Variants in GLG1 observed in about 807,000 individuals in gnomAD.
The protein encoded by GLG1 is golgi glycoprotein 1, also known as Golgi apparatus protein 1.
A neutral mutation model predicts 160.5 loss-of-function variants in GLG1; 38 were observed. The ratio of observed to expected loss-of-function variants is 0.24; its 90% CI spans 0.18 to 0.31. GLG1 has a LOEUF of 0.31. GLG1 is among the 10% of genes least tolerant of loss of function. The pLI, the probability that GLG1 is intolerant of heterozygous loss-of-function variation, is 1.00. For synonymous variants in GLG1, 644 were observed against 543.4 expected, an observed-to-expected ratio of 1.19 and a Z score of -2.57; for missense variants, 1,373 against 1,505.2, an observed-to-expected ratio of 0.91 and a Z score of 1.45.
intron 1 of GLG1, among the ~76,000 whole-genome samples, chr16:74,553,207 C>G (rs1369763627): frequency 6.9e-6 from 1 of 145,284 alleles, no homozygotes; most frequent in African/African-American, 2.6e-5. Context: ...GCAACAAGAG[C>G]AAACTCTGTC....
chr16:74,500,590 G>A (rs990754344), intron 4 of GLG1, among the ~76,000 whole-genome samples: 2 of 151,682 alleles, frequency 1.3e-5, no homozygotes, highest in Admixed American at 6.6e-5. Flanking sequence ...GCTGTCTTCT[G>A]TAATCTACCT....
chr16:74,471,295 G>C lies in GLG1; in HGVS notation c.2116-9C>G. The C allele has an allele frequency of 7.0e-7, 1 of 1,424,160 alleles. No homozygotes were observed. The highest frequency in any genetic ancestry group is 9.9e-7 in the Non-Finnish European group (1 of 1,006,858). The allele number at this position is 1,424,160 out of a possible 1,614,324, so 88.2% of individuals were successfully genotyped here. Reference sequence around the variant, plus strand: ...TGGTTATCTGCCACATCCTGGGGAAGACAGCATGCATTTACACTTCATTGG... The same window carrying C: ...TGGTTATCTGCCACATCCTGGGGAACACAGCATGCATTTACACTTCATTGG... On this transcript the variant is annotated splice_polypyrimidine_tract_variant and intron_variant, in intron 14 of 25. Transcript: ENST00000422840.
At chr16:74,466,495 C>G (rs1222724229) in intron 18 of GLG1, among the ~76,000 whole-genome samples, 1 of 152,176 alleles carries the variant, frequency 6.6e-6, no homozygotes, top group Non-Finnish European at 1.5e-5. Context: ...AGCCATGAGA[C>G]TTCCGGGAAA....
chr16:74,530,904 G>A lies in GLG1; in HGVS notation c.471+1217C>T, dbSNP rs1352449652. 2.0e-5 allele frequency among the ~76,000 whole-genome samples: 3 copies of A among 152,012 alleles called. No homozygotes were observed. The South Asian group carries it at 6.2e-4, about 32-fold the overall frequency. On this transcript the variant is annotated intron_variant, in intron 2 of 25. Transcript: ENST00000422840. ...AGAATAAACTTTTTACTGTTTATTG[G>A]ACACCTTTTTCTTTTCCTGTGAACA...
intron 1 of GLG1, among the ~76,000 whole-genome samples, chr16:74,569,968 A>T (rs1462842016): frequency 6.6e-6 from 1 of 151,314 alleles, no homozygotes; most frequent in Non-Finnish European, 1.5e-5. Context: ...GGATCGCTTG[A>T]GCCCAGGAGT....
In GLG1 at chr16:74,494,810, C is replaced by A; in HGVS notation, c.1000G>T (p.Val334Leu). ...CENTQAGEGR[V>L]YKCLFNHKFE... ...TTATGGTTAAAGAGGCACTTATACA[C>A]TCTGCCCTCACCAGCTTGTGTCTAT... is the stretch of plus-strand genomic sequence containing the variant. The change falls in exon 6 of 26, where the codon GTG becomes TTG. Residue 334 changes from valine to leucine, a missense_variant. Physicochemically the swap from Val to Leu is conservative, Grantham distance 32. Coordinates refer to ENST00000422840, the MANE Select transcript of GLG1 (RefSeq NM_001145667.2). 1 of 1,500,478 alleles carries A rather than the reference C, an allele frequency of 6.7e-7. No homozygotes were observed. The highest frequency in any genetic ancestry group is 9.3e-7 in the Non-Finnish European group (1 of 1,076,738). The allele number at this position is 1,500,478 out of a possible 1,614,324, so 92.9% of individuals were successfully genotyped here.
intron 2 of GLG1, among the ~76,000 whole-genome samples, chr16:74,515,933 CAACA>C (rs2016964208): frequency 7.7e-6 from 1 of 129,932 alleles, no homozygotes; most frequent in Non-Finnish European, 1.7e-5. Context: ...AAACCTAAAC[CAACA>C]AAGATCAAAA....
chr16:74,492,775 C>T (rs999944001), intron 7 of GLG1, among the ~76,000 whole-genome samples, 182 bp downstream of exon 7: 7 of 149,816 alleles, frequency 4.7e-5, no homozygotes, highest in East Asian at 2.0e-4. Flanking sequence ...GCCGAGATTG[C>T]GCCACTGCCC....
At chr16:74,527,403 C>A (rs1034940514) in intron 2 of GLG1, among the ~76,000 whole-genome samples, 2 of 151,846 alleles carry the variant, frequency 1.3e-5, no homozygotes, top group African/African-American at 4.8e-5. Context: ...GTGTGCACCA[C>A]CACACCCAAC....
intron 1 of GLG1, among the ~76,000 whole-genome samples, chr16:74,549,121 T>C (rs1391414746): frequency 6.6e-6 from 1 of 152,238 alleles, no homozygotes; most frequent in African/African-American, 2.4e-5. Flanking sequence ...CATTTCTTGA[T>C]GGATCAGGCA....
intron 1 of GLG1, among the ~76,000 whole-genome samples, chr16:74,585,536 CTG>C (rs144398398): frequency 0.035 from 5,303 of 151,960 alleles, 306 homozygotes; most frequent in African/African-American, 0.12. Context: ...GAAACCTCGT[CTG>C]TACTAAAACT....
rs1187807666 is a variant in GLG1 at position 74,496,557 on chromosome 16, A to T, written c.862T>A (p.Ser288Thr). The change falls in exon 5 of 26, where the codon TCT (serine) becomes ACT (threonine). Residue 288 changes from serine (S) to threonine (T), a missense_variant. Ser to Thr is a moderately conservative substitution (Grantham distance 58, BLOSUM62 1). This residue lies in a region of GLG1 where 174 missense variants were observed against 229.9 expected (regional missense o/e 0.76). Transcript: ENST00000422840. ...AEEREPKIQVSELCKKAILRV... is the reference protein window; with the variant it reads ...AEEREPKIQVTELCKKAILRV... ...AGAATGGCTTTCTTGCAGAGTTCAG[A>T]AACTTGAATCTTGGGTTCTCTTTCT... 4 of 1,613,552 alleles carry T rather than the reference A, an allele frequency of 2.5e-6. No individual in the cohort carries two copies. The African/African-American group carries it at 5.3e-5, about 22-fold the overall frequency.
intron 6 of GLG1, 95 bp from the exon 7 acceptor site, chr16:74,493,235 C>A: frequency 2.7e-6 from 2 of 737,622 alleles, no homozygotes; most frequent in Non-Finnish European, 4.5e-6. Flanking sequence ...CAGCCAAGTA[C>A]ATGTCAACAA....
chr16:74,498,469 A>ATATAT (rs2016291278), intron 4 of GLG1, among the ~76,000 whole-genome samples: 1 of 35,958 alleles, frequency 2.8e-5, no homozygotes, highest in African/African-American at 8.6e-5. Context: ...TATATATATT[A>ATATAT]TATTTTATAT....
intron 1 of GLG1, among the ~76,000 whole-genome samples, chr16:74,535,068 C>G (rs1362453205): frequency 6.6e-6 from 1 of 152,122 alleles, no homozygotes; most frequent in Non-Finnish European, 1.5e-5. Flanking sequence ...TGGAGCAGAC[C>G]TGAACTTAAC....
At position 74,485,928 on chromosome 16, in the gene GLG1, ATAAAT is replaced by A. The variant is rs747396205; in HGVS notation, c.1450-16_1450-12del. On this transcript the variant is annotated splice_polypyrimidine_tract_variant and intron_variant, in intron 8 of 25. Transcript: ENST00000422840. ...AATCAGTGTTTGAAGCTGAATTAAA[ATAAAT>A]TAAGAAGGAAGAAAGAAAGTCACTT... is the stretch of plus-strand genomic sequence containing the variant. 6.2e-7 allele frequency: 1 copy of A among 1,606,980 alleles called. No individual in the cohort carries two copies. The highest frequency in any genetic ancestry group is 1.3e-5 in the African/African-American group (1 of 74,660).
chr16:74,509,691 A>G (rs537828798), intron 2 of GLG1, among the ~76,000 whole-genome samples: 1 of 151,970 alleles, frequency 6.6e-6, no homozygotes, highest in East Asian at 2.0e-4. Flanking sequence ...CTACTAAAAA[A>G]TACAAAAAAT....
At chr16:74,455,847 C>T (rs1239651331) in intron 25 of GLG1, among the ~76,000 whole-genome samples, 1 of 152,192 alleles carries the variant, frequency 6.6e-6, no homozygotes, top group African/African-American at 2.4e-5. Flanking sequence ...TTATACTTAC[C>T]TCACAGGGTT....
intron 1 of GLG1, among the ~76,000 whole-genome samples, chr16:74,545,489 A>G (rs1279361373): frequency 6.6e-6 from 1 of 152,194 alleles, no homozygotes; most frequent in Non-Finnish European, 1.5e-5. Context: ...GACCCACTCC[A>G]CCAAGTTTTC....
Sources: allele counts gnomAD v4.1 joint callset (sites outside exome capture counted in the v4.1 genomes callset), GRCh38; gene constraint gnomAD v4.1.1; regional missense constraint gnomAD v4.1.1; transcripts MANE v1.5; gene names NCBI Gene and HGNC (gene_info 2026-07-23, HGNC 2026-07-21).